PLXNB2: variants seen among roughly 807,000 people sequenced by gnomAD.
The protein encoded by PLXNB2 is plexin B2.
Under a neutral mutation model 202.6 loss-of-function variants are expected in PLXNB2, and 85 were observed. That is an observed-to-expected ratio of 0.42 (90% CI 0.35 to 0.50). The LOEUF (loss-of-function observed/expected upper bound fraction) is 0.50, where lower values mean the gene tolerates loss of function less well. Among genes scored for constraint, PLXNB2 ranks in the 20% least tolerant of loss-of-function variants. The pLI is 0.02. For synonymous variants in PLXNB2, 1,239 were observed against 1,137.6 expected (o/e 1.09, Z -1.79); for missense variants, 2,063 against 2,586.2 (o/e 0.80, Z 4.39).
intron 1 of PLXNB2, among the ~76,000 whole-genome samples, chr22:50,304,423 G>A (rs972427682): frequency 6.6e-6 from 1 of 152,210 alleles, no homozygotes; most frequent in Non-Finnish European, 1.5e-5. Flanking sequence ...GGGCCACTGT[G>A]TCAGGGCCTG....
chr22:50,288,985 C>T lies in PLXNB2; in HGVS notation c.1226G>A (p.Gly409Asp). ...CTTGAGGATCCGGCCATCAGAGGTG[C>T]CCAGAAAAGCAACAGTGTGGTTGTT... ...AENNHTVAFL[G>D]TSDGRILKVY... is the part of the protein sequence containing the mutation. The change falls in exon 4 of 37, where the codon GGC (glycine) becomes GAC (aspartate). Residue 409 changes from glycine to aspartate, a missense_variant. Gly to Asp is a moderately conservative substitution (Grantham distance 94). Coordinates refer to ENST00000359337, the MANE Select transcript of PLXNB2 (RefSeq NM_012401.4). This position sits in a 1 kb window ranked among gnomAD's most constrained non-coding sequence, Gnocchi z 5.0. The T allele has an allele frequency of 6.2e-7, 1 of 1,609,442 alleles. No individual in the cohort carries two copies. The highest frequency in any genetic ancestry group is 8.5e-7 in the Non-Finnish European group (1 of 1,177,228).
intron 36 of PLXNB2, 25 bp from the exon 37 acceptor site, chr22:50,275,833 C>T (rs113019596): frequency 3.1e-6 from 5 of 1,608,160 alleles, no homozygotes; most frequent in Middle Eastern, 1.7e-4. Context: ...CATCAGAGCA[C>T]ACCGGGGGAC....
At position 50,286,108 on chromosome 22, in the gene PLXNB2, G is replaced by C. The variant is rs763090867; in HGVS notation, c.1878-10C>G. On this transcript the variant is annotated splice_polypyrimidine_tract_variant and intron_variant, in intron 9 of 36. Coordinates refer to ENST00000359337, the MANE Select transcript of PLXNB2 (RefSeq NM_012401.4). ...CACGCAGGAGATGCACCTGCATCCA[G>C]AGGGGATCGTGAGCAGGGCTGGGGT... 1.2e-6 allele frequency: 2 copies of C among 1,611,882 alleles called. No individual in the cohort carries two copies. Among genetic ancestry groups the C allele is most frequent in the Non-Finnish European group, 1.7e-6 (2 of 1,179,402 alleles).
rs1464914163 is a variant in PLXNB2, at chr22:50,280,971, G to A, written c.3766C>T (p.Leu1256=). The change falls in exon 24 of 37, where the codon CTG becomes TTG. Residue 1256 remains leucine (L), a splice_region_variant and synonymous_variant. Coordinates refer to ENST00000359337, the MANE Select transcript of PLXNB2 (RefSeq NM_012401.4). The stretch of plus-strand genomic sequence containing the variant: ...GTCTGGTCCTCCATCTCGATCATCA[G>A]GTCTGGGGGGAGGCTGGCGTGAGAC... ...RDRCKKEFTD[L]MIEMEDQTND... is the part of the protein sequence containing the mutation. 1 of 1,612,836 alleles carries A rather than the reference G, an allele frequency of 6.2e-7. No individual in the cohort carries two copies. Among genetic ancestry groups the A allele is most frequent in the East Asian group, 2.2e-5 (1 of 44,870 alleles).
rs1394044690 is a variant in PLXNB2 at position 50,278,118 on chromosome 22, T to C, written c.4886A>G (p.Lys1629Arg). The C allele has an allele frequency of 6.2e-7, 1 of 1,602,750 alleles. No individual in the cohort carries two copies. The highest frequency in any genetic ancestry group is 8.5e-7 in the Non-Finnish European group (1 of 1,179,510). ...GCCCACACACCCATGGGGGCCCACC[T>C]TGACTGAGAGCAGCCGCGTCAGGTA... is the stretch of plus-strand genomic sequence containing the variant. Reference protein sequence around the residue: ...EIYLTRLLSVKGTLQQFVDNF... With the variant: ...EIYLTRLLSVRGTLQQFVDNF... Residue 1629 changes from lysine to arginine, a missense_variant and splice_region_variant, in exon 31 of 37, where the codon AAG becomes AGG. Transcript: ENST00000359337.
chr22:50,284,627 G>A lies in PLXNB2; in HGVS notation c.2127C>T (p.Phe709=), dbSNP rs749657281. Residue 709 remains phenylalanine (F), a synonymous_variant, in exon 12 of 37, where the codon TTC becomes TTT. Coordinates refer to ENST00000359337, the MANE Select transcript of PLXNB2 (RefSeq NM_012401.4). This position sits in a 1 kb window ranked among gnomAD's most constrained non-coding sequence, Gnocchi z 8.0. ...SLHVGSDLLK[F]MEPVTMQESG... is the part of the protein sequence containing the mutation. ...ATTCCTGCATGGTCACCGGCTCCATGAACTTGAGCAAGTCACTGCCCACGT... is the reference window on the plus strand; with the variant it reads ...ATTCCTGCATGGTCACCGGCTCCATAAACTTGAGCAAGTCACTGCCCACGT... The A allele has an allele frequency of 1.8e-5, 29 of 1,612,318 alleles. No individual in the cohort carries two copies. The Admixed American group carries it at 3.3e-4, about 19-fold the overall frequency.
At position 50,277,976 on chromosome 22, in the gene PLXNB2, C is replaced by G; in HGVS notation, c.4925G>C (p.Ser1642Thr). The change falls in exon 32 of 37, where the codon AGC becomes ACC. Residue 1642 changes from serine to threonine, a missense_variant. By Grantham distance (58) the Ser-to-Thr change is moderately conservative. This residue lies in a region of PLXNB2 where 760 missense variants were observed against 1,109.4 expected (regional missense o/e 0.69). Coordinates refer to ENST00000359337, the MANE Select transcript of PLXNB2 (RefSeq NM_012401.4). ...CACCGCGTGCCCAGGCGCCAGCACG[C>G]TCTGGAAGAAGTTGTCCACAAACTG... ...LQQFVDNFFQ[S>T]VLAPGHAVPP... is the part of the protein sequence containing the mutation. The G allele has an allele frequency of 6.2e-7, 1 of 1,612,998 alleles. No individual in the cohort carries two copies. The highest frequency in any genetic ancestry group is 8.5e-7 in the Non-Finnish European group (1 of 1,179,870).
At chr22:50,296,688 G>C (rs1023209049) in intron 1 of PLXNB2, among the ~76,000 whole-genome samples, 1 of 151,526 alleles carries the variant, frequency 6.6e-6, no homozygotes, top group Non-Finnish European at 1.5e-5. Context: ...GCCCTCAATA[G>C]CCACCCCTAC....
At position 50,275,716 on chromosome 22, in the gene PLXNB2, G is replaced by T; in HGVS notation, c.5505C>A (p.Val1835=). 1 of 1,604,242 alleles carries T rather than the reference G, an allele frequency of 6.2e-7. No homozygotes were observed. Among genetic ancestry groups the T allele is most frequent in the South Asian group, 1.1e-5 (1 of 90,240 alleles). ...QQIAAALENK[V]TDL is the part of the protein sequence containing the mutation. The stretch of plus-strand genomic sequence containing the variant: ...TGGAGATTGTAGGTCAGAGGTCAGT[G>T]ACCTTGTTCTCCAGTGCAGCGGCAA... The change falls in exon 37 of 37, where the codon GTC becomes GTA. Residue 1835 remains valine, a synonymous_variant. Coordinates refer to ENST00000359337, the MANE Select transcript of PLXNB2 (RefSeq NM_012401.4).
intron 27 of PLXNB2, 40 bp downstream of exon 27, chr22:50,279,590 A>ATCCG (rs1419383573): frequency 1.2e-6 from 2 of 1,604,204 alleles, no homozygotes; most frequent in South Asian, 2.2e-5. Flanking sequence ...CTTAGCCCAG[A>ATCCG]TCCGAGGCGC....
intron 1 of PLXNB2, chr22:50,300,306 C>G (rs1601775457): frequency 1.0e-6 from 1 of 985,376 alleles, no homozygotes; most frequent in Non-Finnish European, 1.2e-6. Context: ...ATCGCACAGC[C>G]GGCCATTACC....
At position 50,282,225 on chromosome 22, in the gene PLXNB2, A is replaced by G; in HGVS notation, c.3076T>C (p.Trp1026Arg). Residue 1026 changes from tryptophan (W) to arginine (R), a missense_variant, in exon 19 of 37, where the codon TGG (tryptophan) becomes CGG (arginine). By Grantham distance (101) the Trp-to-Arg change is moderately radical (BLOSUM62 -3). This residue lies in a region of PLXNB2 where 1,303 missense variants were observed against 1,476.8 expected (regional missense o/e 0.88). Transcript: ENST00000359337. ...MVVIAEPLQSWQPPREAESLQ... is the reference protein window; with the variant it reads ...MVVIAEPLQSRQPPREAESLQ... ...GATTCAGCCTCCCGCGGCGGCTGCC[A>G]GGACTGCAGGGGCTCCGCGATGACC... is the stretch of plus-strand genomic sequence containing the variant. The G allele has an allele frequency of 6.2e-7, 1 of 1,612,260 alleles. No individual in the cohort carries two copies. The highest frequency in any genetic ancestry group is 8.5e-7 in the Non-Finnish European group (1 of 1,179,810).
In PLXNB2 at chr22:50,290,134, C is replaced by G. The variant is rs374494862; in HGVS notation, c.451G>C (p.Val151Leu). The change falls in exon 3 of 37, where the codon GTG becomes CTG. Residue 151 changes from valine to leucine, a missense_variant. Val to Leu is a conservative substitution (Grantham distance 32, BLOSUM62 1). Transcript: ENST00000359337. The stretch of plus-strand genomic sequence containing the variant: ...GAGCTCACCAGCCCCACTGTGGCCA[C>G]GCCCTCATCATTGCTGGCCACGAAA... ...KSFVASNDEG[V>L]ATVGLVSSTG... 1 of 1,613,072 alleles carries G rather than the reference C, an allele frequency of 6.2e-7. No homozygotes were observed. The highest frequency in any genetic ancestry group is 8.5e-7 in the Non-Finnish European group (1 of 1,180,010).
At position 50,281,110 on chromosome 22, in the gene PLXNB2, G is replaced by A. The variant is rs1452915116; in HGVS notation, c.3742C>T (p.Arg1248Cys). 8.1e-6 allele frequency: 13 copies of A among 1,612,990 alleles called. No individual in the cohort carries two copies. Among genetic ancestry groups the A allele is most frequent in the South Asian group, 1.1e-5 (1 of 91,088 alleles). The change falls in exon 23 of 37, where the codon CGC becomes TGC. Residue 1248 changes from arginine (R) to cysteine (C), a missense_variant. Physicochemically the swap from Arg to Cys is radical, Grantham distance 180. Around this residue, in one of 2 missense-constraint regions of PLXNB2, gnomAD observed 760 missense variants for 1,109.4 expected, o/e 0.69. Coordinates refer to ENST00000359337, the MANE Select transcript of PLXNB2 (RefSeq NM_012401.4). ...LEGLEESVRD[R>C]CKKEFTDLMI... ...CTACCTGTGAATTCCTTCTTGCAGC[G>A]GTCCCGCACGCTCTCCTCCAGGCCC... is the stretch of plus-strand genomic sequence containing the variant.
chr22:50,292,429 G>A (rs1009028736), intron 2 of PLXNB2, among the ~76,000 whole-genome samples: 5 of 151,956 alleles, frequency 3.3e-5, no homozygotes, highest in Non-Finnish European at 7.4e-5. Flanking sequence ...CTGACGGCCA[G>A]GCTGACCACG....
chr22:50,294,514 T>C (rs1389105451), intron 2 of PLXNB2, among the ~76,000 whole-genome samples: 1 of 149,658 alleles, frequency 6.7e-6, no homozygotes. Flanking sequence ...CAGAGAACCA[T>C]GGGAGCCTCA....
chr22:50,294,062 G>A (rs917907072), intron 2 of PLXNB2, among the ~76,000 whole-genome samples: 6 of 152,238 alleles, frequency 3.9e-5, no homozygotes, highest in African/African-American at 9.6e-5. Flanking sequence ...GCAACCCACC[G>A]GACCAGCAGC....
Position 50,289,083 on chromosome 22 carries a change from G to A in PLXNB2, c.1128C>T (p.Arg376=), listed in dbSNP as rs28696899. 2,102 of 1,599,608 alleles carry A rather than the reference G, an allele frequency of 1.3e-3. 23 individuals carry two copies. In the African/African-American group the frequency reaches 0.026, roughly 19 times the overall value. Residue 376 remains arginine, a synonymous_variant, in exon 4 of 37, where the codon CGC becomes CGT. Coordinates refer to ENST00000359337, the MANE Select transcript of PLXNB2 (RefSeq NM_012401.4). The surrounding 1 kb of genome is among the most constrained non-coding windows in gnomAD (Gnocchi z 8.0). ...GCACGGCTGTGCCTCTGAGCCCGTC[G>A]CGGCTGCCCAGCGGGTAGGGCAGGT... is the stretch of plus-strand genomic sequence containing the variant. ...SEHLPYPLGS[R]DGLRGTAVLQ...
chr22:50,303,627 G>A (rs766553158), intron 1 of PLXNB2, among the ~76,000 whole-genome samples: 3 of 152,240 alleles, frequency 2.0e-5, no homozygotes, highest in African/African-American at 7.2e-5. Context: ...TCTCTCTTGC[G>A]CTTGCTGCGG....
Sources: allele counts gnomAD v4.1 joint callset (sites outside exome capture counted in the v4.1 genomes callset), GRCh38; gene constraint gnomAD v4.1.1; regional missense constraint gnomAD v4.1.1; non-coding constraint Gnocchi (gnomAD v3.1); transcripts MANE v1.5; gene names NCBI Gene and HGNC (gene_info 2026-07-23, HGNC 2026-07-21).